The following RFX7 variants were observed in gnomAD, a reference collection of about 807,000 sequenced individuals.
The protein encoded by RFX7 is DNA-binding protein RFX7.
Under a neutral mutation model 111.8 loss-of-function variants are expected in RFX7, and 26 were observed. The observed-to-expected ratio is 0.23, with a 90% CI of 0.17 to 0.32. The LOEUF (loss-of-function observed/expected upper bound fraction) is 0.32. Among genes scored for constraint, RFX7 ranks in the 10% least tolerant of loss-of-function variants. The pLI, the probability that RFX7 is intolerant of heterozygous loss-of-function variation, is 1.00. For missense variants in RFX7, 1,573 were observed against 1,772.9 expected, an observed-to-expected ratio of 0.89 and a Z score of 2.02; for synonymous variants, 624 against 624.4, an observed-to-expected ratio of 1.00 and a Z score of 0.01.
rs1277467789 is a variant in RFX7, at chr15:56,096,489, C to T, written c.1239G>A (p.Gln413=). 12 of 1,607,486 alleles carry T rather than the reference C, an allele frequency of 7.5e-6. No homozygotes were observed. The highest frequency in any genetic ancestry group is 1.0e-5 in the Non-Finnish European group (12 of 1,176,928). ...QSVKQAPKTP[Q]NVPASPGGDR... is the part of the protein sequence containing the mutation. ...CCCCACCAGGACTGGCTGGAACGTT[C>T]TGGGGAGTCTTTGGTGCCTGTTTCA... Residue 413 remains glutamine (Q), a synonymous_variant, in exon 10 of 10, where the codon CAG becomes CAA. Coordinates refer to ENST00000559447, the MANE Select transcript of RFX7 (RefSeq NM_022841.7).
intron 6 of RFX7, among the ~76,000 whole-genome samples, 200 bp from the exon 7 acceptor site, chr15:56,102,453 G>C (rs957071): frequency 6.6e-6 from 1 of 152,104 alleles, no homozygotes; most frequent in Non-Finnish European, 1.5e-5. Context: ...TACCCCTTTA[G>C]AATGTTAAAT....
intron 2 of RFX7, among the ~76,000 whole-genome samples, chr15:56,202,172 G>A (rs745653050): frequency 3.3e-5 from 5 of 152,006 alleles, no homozygotes; most frequent in South Asian, 2.1e-4. Context: ...ATCACTTCGC[G>A]GGAGAAGTGC....
intron 2 of RFX7, among the ~76,000 whole-genome samples, chr15:56,231,874 C>T (rs1453835343): frequency 1.3e-5 from 2 of 152,126 alleles, no homozygotes; most frequent in African/African-American, 2.4e-5. Context: ...ATTGTTCAAA[C>T]GAAGGAGCTA....
chr15:56,161,906 C>A (rs2042724427), intron 3 of RFX7, among the ~76,000 whole-genome samples: 1 of 152,054 alleles, frequency 6.6e-6, no homozygotes, highest in Admixed American at 6.6e-5. Flanking sequence ...AAGAACACAT[C>A]TTCCCATTGT....
chr15:56,168,541 CAAGA>C (rs2042808754), intron 3 of RFX7, among the ~76,000 whole-genome samples: 1 of 152,108 alleles, frequency 6.6e-6, no homozygotes. Context: ...ACACAGAGTA[CAAGA>C]AAGTTGGGGC....
In RFX7 at chr15:56,093,822, G is replaced by A. The variant is rs759209409; in HGVS notation, c.3906C>T (p.Ile1302=). The A allele has an allele frequency of 4.3e-6, 7 of 1,613,736 alleles. No homozygotes were observed. Among genetic ancestry groups the A allele is most frequent in the Middle Eastern group, 1.6e-4 (1 of 6,082 alleles). The stretch of plus-strand genomic sequence containing the variant: ...ACTCATAAACAGAAGTGCTGGAATC[G>A]ATCATATTTTGTGGGTTGGCACTAG... ...VFPSANPQNM[I]DSSTSVYEFQ... The change falls in exon 10 of 10, where the codon ATC becomes ATT. Residue 1302 remains isoleucine (I), a synonymous_variant. Coordinates refer to ENST00000559447, the MANE Select transcript of RFX7 (RefSeq NM_022841.7).
At chr15:56,123,483 G>C (rs1467993080) in intron 5 of RFX7, among the ~76,000 whole-genome samples, 1 of 152,166 alleles carries the variant, frequency 6.6e-6, no homozygotes, top group Non-Finnish European at 1.5e-5. Flanking sequence ...CTCTCCTCAA[G>C]TGGAAGGAAG....
chr15:56,134,177 A>C (rs931114457), intron 5 of RFX7, among the ~76,000 whole-genome samples: 1 of 152,068 alleles, frequency 6.6e-6, no homozygotes, highest in African/African-American at 2.4e-5. Flanking sequence ...TCTGCCCCTC[A>C]CTAGTTTTGT....
rs529722640 is a variant in RFX7, at chr15:56,221,894, G to A, written c.161+21231C>T. Among the ~76,000 whole-genome samples the A allele has an allele frequency of 5.9e-5, 9 of 152,194 alleles. No individual in the cohort carries two copies. The South Asian group carries it at 1.9e-3, about 32-fold the overall frequency. ...ACATTTTTGCATTAAACAAAAAACT[G>A]TCTTTCACAGAAAATATGTACTTTA... is the stretch of plus-strand genomic sequence containing the variant. On this transcript the variant is annotated intron_variant, in intron 2 of 9. Transcript: ENST00000559447.
chr15:56,148,259 A>G (rs540843186), intron 3 of RFX7, among the ~76,000 whole-genome samples: 4 of 152,314 alleles, frequency 2.6e-5, no homozygotes, highest in African/African-American at 9.6e-5. Context: ...ATCCTTGGTT[A>G]TTTCCAGCAA....
At position 56,243,305 on chromosome 15, in the gene RFX7, GGA is replaced by G; in HGVS notation, c.-2-20_-2-19del. On this transcript the variant is annotated intron_variant, in intron 1 of 9. Coordinates refer to ENST00000559447, the MANE Select transcript of RFX7 (RefSeq NM_022841.7). ...TGCCATCGCTGCAGAGGGGTGGGAG[GGA>G]GGGAGGGAAAGATGGGGGCGCGGGG... The G allele has an allele frequency of 9.6e-7, 1 of 1,042,772 alleles. No individual in the cohort carries two copies. The highest frequency in any genetic ancestry group is 1.2e-6 in the Non-Finnish European group (1 of 810,204). 64.6% of individuals were successfully genotyped at this position (1,042,772 alleles called of 1,614,324 possible).
intron 5 of RFX7, among the ~76,000 whole-genome samples, chr15:56,134,487 T>G (rs2042263392): frequency 6.6e-6 from 1 of 152,120 alleles, no homozygotes; most frequent in South Asian, 2.1e-4. Context: ...AGAATAATTC[T>G]CTCCAATTCC....
At chr15:56,111,680 A>C (rs1291389755) in intron 5 of RFX7, among the ~76,000 whole-genome samples, 5 of 148,476 alleles carry the variant, frequency 3.4e-5, no homozygotes, top group South Asian at 2.1e-4. Flanking sequence ...AAAAAAAAAA[A>C]CCAAAAAAAC....
intron 2 of RFX7, among the ~76,000 whole-genome samples, chr15:56,217,266 T>C: frequency 6.6e-6 from 1 of 152,210 alleles, no homozygotes; most frequent in East Asian, 1.9e-4. Flanking sequence ...AACAATTTCA[T>C]TATGCCATCT....
chr15:56,215,004 G>C (rs1240825473), intron 2 of RFX7, among the ~76,000 whole-genome samples: 1 of 152,140 alleles, frequency 6.6e-6, no homozygotes. Flanking sequence ...TTTAAAGACA[G>C]TGTTTTAACT....
rs1413174593 is a variant in RFX7 at position 56,243,122 on chromosome 15, T to C, written c.161+3A>G. On this transcript the variant is annotated splice_donor_region_variant and intron_variant, in intron 2 of 9. Transcript: ENST00000559447. ...TCACGCGAGCGATGGAGGATCCTCT[T>C]ACCAGATGGAGTTCTTGATCTTGTG... 11 of 1,362,354 alleles carry C rather than the reference T, an allele frequency of 8.1e-6. No individual in the cohort carries two copies. In the East Asian group the frequency reaches 1.8e-4, roughly 23 times the overall value. 84.4% of individuals were successfully genotyped at this position (1,362,354 alleles called of 1,614,324 possible).
chr15:56,155,196 A>C (rs1186868487), intron 3 of RFX7, among the ~76,000 whole-genome samples: 2 of 152,230 alleles, frequency 1.3e-5, no homozygotes, highest in African/African-American at 4.8e-5. Flanking sequence ...AATTAGTTCA[A>C]CCATTGCGGA....
At chr15:56,099,701 G>GT in intron 8 of RFX7, among the ~76,000 whole-genome samples, 1 of 151,872 alleles carries the variant, frequency 6.6e-6, no homozygotes, top group East Asian at 2.0e-4. Flanking sequence ...GAAAAATATA[G>GT]TAAGGGCTGA....
chr15:56,112,379 C>CAAAAAAAAAAAAAAAAAAAA (rs71110374), intron 5 of RFX7, among the ~76,000 whole-genome samples: 6 of 71,766 alleles, frequency 8.4e-5, no homozygotes, highest in Admixed American at 1.6e-4. Context: ...GAGTACAAAT[C>CAAAAAAAAAAAAAAAAAAAA]AAAAAAAAAA....
Sources: gnomAD v4.1 joint callset for allele counts (sites outside exome capture counted in the v4.1 genomes callset) on GRCh38, gnomAD v4.1.1 for gene constraint, MANE v1.5 for transcripts, NCBI Gene and HGNC (gene_info 2026-07-23, HGNC 2026-07-21) for gene names.